Variants in GBE1 observed in about 807,000 individuals in gnomAD.
GBE1 encodes the protein 1,4-alpha-glucan-branching enzyme.
In GBE1, 70 loss-of-function variants were observed where a neutral mutation model predicts 88.8. The ratio of observed to expected loss-of-function variants is 0.79; its 90% CI spans 0.65 to 0.96. The LOEUF is 0.96. GBE1 is among the 40% of genes least tolerant of loss of function. GBE1 has a pLI of 0.00. For synonymous variants in GBE1, 284 were observed against 300.1 expected, an observed-to-expected ratio of 0.95 and a Z score of 0.56; for missense variants, 872 against 871.0, an observed-to-expected ratio of 1.00 and a Z score of -0.01.
intron 7 of GBE1, among the ~76,000 whole-genome samples, chr3:81,620,667 T>C (rs997881609): frequency 1.3e-5 from 2 of 148,686 alleles, no homozygotes; most frequent in African/African-American, 5.0e-5. Context: ...ATGGGGAGGG[T>C]TTTTATTTTG....
chr3:81,550,131 T>A (rs1292514359), intron 12 of GBE1, among the ~76,000 whole-genome samples: 1 of 151,624 alleles, frequency 6.6e-6, no homozygotes, highest in African/African-American at 2.4e-5. Context: ...AGCCTTCTAA[T>A]TCAGTTTACT....
chr3:81,584,258 T>C (rs909657126), intron 10 of GBE1, among the ~76,000 whole-genome samples: 2 of 152,068 alleles, frequency 1.3e-5, no homozygotes, highest in African/African-American at 4.8e-5. Context: ...TAATTTGCTT[T>C]TGAACAACAA....
intron 9 of GBE1, among the ~76,000 whole-genome samples, chr3:81,590,282 A>C (rs1302902902): frequency 6.6e-6 from 1 of 152,074 alleles, no homozygotes. Flanking sequence ...TATTTTTAAC[A>C]GTAGTCTTAC....
intron 3 of GBE1, among the ~76,000 whole-genome samples, chr3:81,655,834 AAT>A (rs1429831593): frequency 2.0e-5 from 3 of 152,152 alleles, no homozygotes; most frequent in Non-Finnish European, 4.4e-5. Flanking sequence ...GTGTGTTTTT[AAT>A]AGTCACAAAT....
In GBE1 at chr3:81,627,878, T is replaced by C. The variant is rs568317605; in HGVS notation, c.992+14903A>G. ...CATACCTCACTGTAACTTCAAACTCTTGGCCTCAAGCGATCCTCCCACCTA... is the reference window on the plus strand; with the variant it reads ...CATACCTCACTGTAACTTCAAACTCCTGGCCTCAAGCGATCCTCCCACCTA... On this transcript the variant is annotated intron_variant, in intron 7 of 15. Coordinates refer to ENST00000429644, the MANE Select transcript of GBE1 (RefSeq NM_000158.4). 5.3e-5 allele frequency among the ~76,000 whole-genome samples: 8 copies of C among 152,026 alleles called. No individual in the cohort carries two copies. The South Asian group carries it at 1.5e-3, about 28-fold the overall frequency.
At chr3:81,623,901 C>T (rs933160248) in intron 7 of GBE1, among the ~76,000 whole-genome samples, 23 of 152,242 alleles carry the variant, frequency 1.5e-4, no homozygotes, top group African/African-American at 5.1e-4. Flanking sequence ...GAACTCCTGA[C>T]CTCAAGCATT....
intron 1 of GBE1, among the ~76,000 whole-genome samples, chr3:81,739,785 G>A (rs1706320595): frequency 6.6e-6 from 1 of 152,112 alleles, no homozygotes; most frequent in Admixed American, 6.6e-5. Flanking sequence ...TTTGAAAATT[G>A]ACATATATTC....
chr3:81,491,608 G>C (rs1481307142), intron 15 of GBE1, among the ~76,000 whole-genome samples: 3 of 152,046 alleles, frequency 2.0e-5, no homozygotes, highest in Non-Finnish European at 4.4e-5. Flanking sequence ...AAAGCAAACA[G>C]TAAAAATAAT....
At chr3:81,664,892 A>G (rs1325042563) in intron 3 of GBE1, among the ~76,000 whole-genome samples, 1 of 152,230 alleles carries the variant, frequency 6.6e-6, no homozygotes. Context: ...ACCTTGTTTA[A>G]TATAAGTATG....
chr3:81,629,625 AT>A (rs1239165616), intron 7 of GBE1, among the ~76,000 whole-genome samples: 8 of 152,214 alleles, frequency 5.3e-5, no homozygotes, highest in African/African-American at 1.9e-4. Context: ...TACCTGTGTC[AT>A]TCAATGCAGT....
intron 1 of GBE1, among the ~76,000 whole-genome samples, chr3:81,760,470 G>C (rs1706663872): frequency 6.6e-6 from 1 of 152,158 alleles, no homozygotes; most frequent in East Asian, 1.9e-4. Context: ...CTGTTGCCAG[G>C]ATAGTTTCCA....
At chr3:81,629,261 G>A (rs1228242990) in intron 7 of GBE1, among the ~76,000 whole-genome samples, 1 of 137,980 alleles carries the variant, frequency 7.2e-6, no homozygotes, top group Non-Finnish European at 1.5e-5. Context: ...TCCCACCTAT[G>A]AGTGAGAATA....
Position 81,660,650 on chromosome 3 carries a change from C to T in GBE1, c.429+10188G>A, listed in dbSNP as rs117656976. Among the ~76,000 whole-genome samples, 132 of 151,814 alleles carry T rather than the reference C, an allele frequency of 8.7e-4. No homozygotes were observed. In the East Asian group the frequency reaches 0.023, roughly 26 times the overall value. On this transcript the variant is annotated intron_variant, in intron 3 of 15. Coordinates refer to ENST00000429644, the MANE Select transcript of GBE1 (RefSeq NM_000158.4). Reference sequence around the variant, plus strand: ...TAATTTTCAATTTGAGCACTAGTCACGTGGGGAAATGTAATGCTACTGACA... The same window carrying T: ...TAATTTTCAATTTGAGCACTAGTCATGTGGGGAAATGTAATGCTACTGACA...
At chr3:81,503,100 A>G (rs190812759) in intron 14 of GBE1, among the ~76,000 whole-genome samples, 2 of 152,310 alleles carry the variant, frequency 1.3e-5, no homozygotes, top group East Asian at 3.9e-4. Flanking sequence ...TGTTTTTTAT[A>G]ATTGAGGAAA....
At chr3:81,601,327 GC>G (rs1353579740) in intron 7 of GBE1, among the ~76,000 whole-genome samples, 4 of 152,110 alleles carry the variant, frequency 2.6e-5, no homozygotes, top group African/African-American at 9.7e-5. Flanking sequence ...TACAGGTGCA[GC>G]TCAACCTTCT....
chr3:81,607,290 C>A (rs540881189), intron 7 of GBE1, among the ~76,000 whole-genome samples: 1 of 152,114 alleles, frequency 6.6e-6, no homozygotes, highest in Non-Finnish European at 1.5e-5. Flanking sequence ...GTGGCTCACA[C>A]CTGTAATCCC....
chr3:81,490,600 G>A (rs1702423778), intron 15 of GBE1, 137 bp from the exon 16 acceptor site: 1 of 731,194 alleles, frequency 1.4e-6, no homozygotes, highest in Non-Finnish European at 2.4e-6. Context: ...CAAGCTCTTA[G>A]AAGGCTCAAT....
intron 7 of GBE1, among the ~76,000 whole-genome samples, chr3:81,614,297 A>G (rs1418780475): frequency 3.9e-5 from 6 of 152,114 alleles, no homozygotes; most frequent in Non-Finnish European, 7.4e-5. Context: ...CTAGGGGGGG[A>G]AAAAACCCTA....
intron 7 of GBE1, among the ~76,000 whole-genome samples, chr3:81,607,507 C>A (rs1442903549): frequency 6.6e-6 from 1 of 152,060 alleles, no homozygotes; most frequent in East Asian, 1.9e-4. Flanking sequence ...CAAGATTGAG[C>A]CACTGCACTC....
Sources: allele counts gnomAD v4.1 joint callset (sites outside exome capture counted in the v4.1 genomes callset), GRCh38; gene constraint gnomAD v4.1.1; transcripts MANE v1.5; gene names NCBI Gene and HGNC (gene_info 2026-07-23, HGNC 2026-07-21).